Variants in CCSER1 observed in about 807,000 individuals in gnomAD.
CCSER1 encodes coiled-coil serine rich protein 1.
Under a neutral mutation model 82.0 loss-of-function variants are expected in CCSER1, and 41 were observed. That is an observed-to-expected ratio of 0.50 (90% confidence interval 0.39 to 0.65). CCSER1 has a LOEUF of 0.65. Ranked by LOEUF, CCSER1 falls within the 30% of genes least tolerant of loss-of-function variation. The pLI is 0.00. For missense variants in CCSER1, 1,119 were observed against 1,064.2 expected (o/e 1.05, Z -0.72); for synonymous variants, 414 against 383.9 (o/e 1.08, Z -0.92).
chr4:90,403,669 C>T (rs940834579), intron 4 of CCSER1, among the ~76,000 whole-genome samples: 27 of 151,894 alleles, frequency 1.8e-4, no homozygotes, highest in Middle Eastern at 6.8e-3. Context: ...CATTATATTC[C>T]ACTGCTTATA....
chr4:90,616,343 C>T (rs1201300150), intron 5 of CCSER1, among the ~76,000 whole-genome samples: 1 of 151,866 alleles, frequency 6.6e-6, no homozygotes, highest in Non-Finnish European at 1.5e-5. Context: ...GTTAAAATTT[C>T]CAGTATGTTA....
intron 9 of CCSER1, 47 bp downstream of exon 9, chr4:90,923,494 G>T (rs1465747447): frequency 1.7e-5 from 21 of 1,269,732 alleles, no homozygotes; most frequent in African/African-American, 3.0e-5. Context: ...TTGGCATTCA[G>T]ACCTCCACAG....
intron 10 of CCSER1, among the ~76,000 whole-genome samples, chr4:91,469,841 C>G (rs141040618): frequency 7.2e-5 from 11 of 152,142 alleles, no homozygotes; most frequent in Admixed American, 3.3e-4. Context: ...TCCCAGTGCC[C>G]TCTACTAAGT....
At chr4:90,697,904 A>G (rs1447427191) in intron 6 of CCSER1, among the ~76,000 whole-genome samples, 1 of 152,162 alleles carries the variant, frequency 6.6e-6, no homozygotes, top group Non-Finnish European at 1.5e-5. Flanking sequence ...TAATAAAGTT[A>G]AACCATTGTA....
intron 10 of CCSER1, among the ~76,000 whole-genome samples, chr4:91,263,675 A>G (rs1273334138): frequency 6.6e-6 from 1 of 152,008 alleles, no homozygotes; most frequent in East Asian, 1.9e-4. Context: ...ATTGGGCATT[A>G]GGAGATTTCA....
At chr4:90,230,207 C>A (rs1225501254) in intron 1 of CCSER1, among the ~76,000 whole-genome samples, 1 of 152,050 alleles carries the variant, frequency 6.6e-6, no homozygotes. Flanking sequence ...CCAAAATTGA[C>A]CACATACTTG....
intron 9 of CCSER1, 21 bp from the exon 10 acceptor site, chr4:91,085,929 T>C (rs1723350497): frequency 7.3e-7 from 1 of 1,376,664 alleles, no homozygotes; most frequent in African/African-American, 1.4e-5. Flanking sequence ...AATAATAATA[T>C]ACTTTGCTTT....
chr4:90,245,636 G>T (rs17016698), intron 1 of CCSER1, among the ~76,000 whole-genome samples: 28,953 of 151,956 alleles, frequency 0.19, 3,134 homozygotes, highest in South Asian at 0.28. Flanking sequence ...TTTCCAAATG[G>T]GTACATGGAT....
chr4:90,239,734 C>T (rs938580459), intron 1 of CCSER1, among the ~76,000 whole-genome samples: 3 of 152,162 alleles, frequency 2.0e-5, no homozygotes, highest in Admixed American at 1.3e-4. Flanking sequence ...GCTTCAGCCT[C>T]CCAAAGTACT....
intron 8 of CCSER1, among the ~76,000 whole-genome samples, chr4:90,821,540 C>G (rs1759720997): frequency 1.3e-5 from 2 of 152,100 alleles, no homozygotes; most frequent in South Asian, 4.1e-4. Context: ...ATACATCACT[C>G]TTATCCAACA....
intron 10 of CCSER1, among the ~76,000 whole-genome samples, chr4:91,431,109 G>T (rs1015888047): frequency 6.6e-6 from 1 of 152,022 alleles, no homozygotes; most frequent in Non-Finnish European, 1.5e-5. Flanking sequence ...GGTGGCGGGC[G>T]CCTGTAGTCC....
intron 1 of CCSER1, among the ~76,000 whole-genome samples, chr4:90,284,878 A>G (rs552461537): frequency 2.9e-4 from 44 of 152,140 alleles, no homozygotes; most frequent in Admixed American, 7.9e-4. Flanking sequence ...AGCACCATTT[A>G]TTGAAGAGAC....
chr4:90,374,847 G>C (rs1227938169), intron 3 of CCSER1, among the ~76,000 whole-genome samples: 1 of 151,964 alleles, frequency 6.6e-6, no homozygotes, highest in Non-Finnish European at 1.5e-5. Flanking sequence ...TCTGATATTA[G>C]TGCTTCTTTT....
chr4:90,541,842 C>G (rs1240476968), intron 5 of CCSER1, among the ~76,000 whole-genome samples: 2 of 152,050 alleles, frequency 1.3e-5, no homozygotes, highest in Non-Finnish European at 2.9e-5. Flanking sequence ...TGTCATCCTA[C>G]TGCCACAAAT....
intron 10 of CCSER1, among the ~76,000 whole-genome samples, chr4:91,382,999 A>ATT (rs144468064): frequency 1.5e-4 from 22 of 147,548 alleles, no homozygotes; most frequent in Middle Eastern, 3.5e-3. Flanking sequence ...GATCATTATC[A>ATT]TTTTTTTTTT....
At chr4:90,337,325 A>G (rs920442027) in intron 3 of CCSER1, among the ~76,000 whole-genome samples, 1 of 152,214 alleles carries the variant, frequency 6.6e-6, no homozygotes, top group Non-Finnish European at 1.5e-5. Context: ...CTGCTCGGAG[A>G]AGGGGTTGTG....
At chr4:91,559,762 G>GA (rs1270050893) in intron 10 of CCSER1, among the ~76,000 whole-genome samples, 1 of 150,392 alleles carries the variant, frequency 6.6e-6, no homozygotes, top group Non-Finnish European at 1.5e-5. Context: ...GTCATTATTA[G>GA]AAAAATTATA....
chr4:90,691,647 A>G (rs542174564), intron 6 of CCSER1, among the ~76,000 whole-genome samples: 1 of 151,860 alleles, frequency 6.6e-6, no homozygotes, highest in African/African-American at 2.4e-5. Context: ...TCACATGTAT[A>G]TATACACACA....
Position 90,734,346 on chromosome 4 carries a change from C to T in CCSER1, c.2010+10355C>T, listed in dbSNP as rs942374417. 5.3e-5 allele frequency among the ~76,000 whole-genome samples: 8 copies of T among 151,988 alleles called. No homozygotes were observed. The East Asian group carries it at 7.7e-4, about 15-fold the overall frequency. ...TTCACTGCGTTAGCCAGGATGGTCT[C>T]GATCTCCTGACCTCGTGATCTGCCC... On this transcript the variant is annotated intron_variant, in intron 7 of 10. Coordinates refer to ENST00000509176, the MANE Select transcript of CCSER1 (RefSeq NM_001145065.2).
Sources: allele counts gnomAD v4.1 joint callset (sites outside exome capture counted in the v4.1 genomes callset), GRCh38; gene constraint gnomAD v4.1.1; transcripts MANE v1.5; gene names NCBI Gene and HGNC (gene_info 2026-07-23, HGNC 2026-07-21).